Variants in CEP72 observed in about 807,000 individuals in gnomAD.
CEP72 encodes centrosomal protein 72.
Under a neutral mutation model 65.7 loss-of-function variants are expected in CEP72, and 78 were observed. That is an observed-to-expected ratio of 1.19 (90% CI 0.99 to 1.43). The LOEUF (loss-of-function observed/expected upper bound fraction) is 1.43. Among genes scored for constraint, CEP72 ranks in the 40% most tolerant of loss-of-function variants. The probability of loss-of-function intolerance (pLI) is 0.00; values close to 1 mark genes in which losing one functional copy is unlikely to be tolerated. For synonymous variants in CEP72, 358 were observed against 351.7 expected, an observed-to-expected ratio of 1.02 and a Z score of -0.20; for missense variants, 914 against 832.9, an observed-to-expected ratio of 1.10 and a Z score of -1.20.
At chr5:672,735 G>A in the CEP72 span, among the ~76,000 whole-genome samples, 5 of 152,234 alleles carry the variant, frequency 3.3e-5, no homozygotes, top group African/African-American at 7.2e-5. Context: ...CCCACCGCCC[G>A]TGGTCCGGTC....
At chr5:648,393 A>G (rs60269309) in intron 11 of CEP72, among the ~76,000 whole-genome samples, 155 of 120,998 alleles carry the variant, frequency 1.3e-3, no homozygotes, top group African/African-American at 5.4e-3. Flanking sequence ...GGACTGTGAG[A>G]TGGGACTGTG....
At chr5:670,677 C>A (rs537955679), downstream of CEP72, among the ~76,000 whole-genome samples, 4 of 152,270 alleles carry the variant, frequency 2.6e-5, no homozygotes, top group South Asian at 8.3e-4. Context: ...CCAGGAGGGT[C>A]CAGTGGTCCC....
At chr5:650,434 G>A (rs1224161441) in intron 11 of CEP72, among the ~76,000 whole-genome samples, 1 of 55,010 alleles carries the variant, frequency 1.8e-5, no homozygotes. Context: ...ACTGTGAGGC[G>A]TGGACTGAGG....
chr5:646,300 T>TA (rs1342163403), intron 10 of CEP72, among the ~76,000 whole-genome samples: 1 of 152,238 alleles, frequency 6.6e-6, no homozygotes, highest in Non-Finnish European at 1.5e-5. Flanking sequence ...AATTATGACT[T>TA]ACGTTGTTTT....
chr5:668,581 C>T (rs1478217075), downstream of CEP72, among the ~76,000 whole-genome samples: 3 of 152,264 alleles, frequency 2.0e-5, no homozygotes, highest in Non-Finnish European at 4.4e-5. Context: ...GCTGAGCAGG[C>T]CGCGGGGTGG....
intron 11 of CEP72, among the ~76,000 whole-genome samples, chr5:649,102 G>C (rs1192871841): frequency 6.8e-6 from 1 of 147,836 alleles, no homozygotes. Flanking sequence ...TGACTGTGAG[G>C]TGTGGACTGT....
chr5:616,512 C>A (rs1579919606), intron 1 of CEP72, among the ~76,000 whole-genome samples: 1 of 152,010 alleles, frequency 6.6e-6, no homozygotes, highest in Non-Finnish European at 1.5e-5. Flanking sequence ...TTTTCTGGTT[C>A]TTGGTCATTT....
In CEP72 at chr5:643,415, C is replaced by T. The variant is rs569271292; in HGVS notation, c.1540-884C>T. On this transcript the variant is annotated intron_variant, in intron 9 of 11. Coordinates refer to ENST00000264935, the MANE Select transcript of CEP72 (RefSeq NM_018140.4). ...AAATGAAGAACGGGCCAAGATAAGC[C>T]TGAGGGGAATGGTCTCAGACCCAGC... 10 of 985,440 alleles carry T rather than the reference C, an allele frequency of 1.0e-5. No homozygotes were observed. The African/African-American group carries it at 1.7e-4, about 17-fold the overall frequency. 61.0% of individuals were successfully genotyped at this position (985,440 alleles called of 1,614,324 possible). A position where few individuals can be genotyped will look rare whatever the true frequency, so the allele number is the denominator to read the frequency against.
chr5:666,276 T>C (rs1035417298), intron 4 of CEP72, among the ~76,000 whole-genome samples: 2 of 152,030 alleles, frequency 1.3e-5, no homozygotes, highest in Non-Finnish European at 2.9e-5. Context: ...AAATCCAAAC[T>C]GTCTTGGAAG....
In CEP72 at chr5:647,823, A is replaced by G. The variant is rs780931230; in HGVS notation, c.1685A>G (p.Lys562Arg). ...LQIAGLQTSV[K>R]RLCGEIVELK... Reference sequence around the variant, plus strand: ...CTTTCAGGACTTCAAACAAGTGTGAAGAGGCTGTGTGGCGAGATTGTGGAA... The same window carrying G: ...CTTTCAGGACTTCAAACAAGTGTGAGGAGGCTGTGTGGCGAGATTGTGGAA... The change falls in exon 11 of 12, where the codon AAG becomes AGG. Residue 562 changes from lysine to arginine, a missense_variant. Lys to Arg is a conservative substitution (Grantham distance 26). Transcript: ENST00000264935. 1 of 1,612,398 alleles carries G rather than the reference A, an allele frequency of 6.2e-7. No homozygotes were observed. Among genetic ancestry groups the G allele is most frequent in the Non-Finnish European group, 8.5e-7 (1 of 1,179,738 alleles).
chr5:638,724 C>G (rs778297265), intron 7 of CEP72, among the ~76,000 whole-genome samples: 37 of 152,176 alleles, frequency 2.4e-4, no homozygotes, highest in Non-Finnish European at 4.7e-4. Flanking sequence ...ACCAGCCTGA[C>G]TGTGGGTGCA....
intron 1 of CEP72, chr5:662,888 G>A (rs1396499166): frequency 7.0e-6 from 1 of 143,790 alleles, no homozygotes; most frequent in Non-Finnish European, 1.5e-5. Context: ...TGATTCCGAT[G>A]ACTGCTCGTC....
At chr5:649,949 CGTGACTGTGAGGCGTGGACTGTGAGGT>C (rs1738852459) in intron 11 of CEP72, among the ~76,000 whole-genome samples, 1 of 32,132 alleles carries the variant, frequency 3.1e-5, no homozygotes. Context: ...GACTGTGAGG[CGTGACTGTGAGGCGTGGACTGTGAGGT>C]GTGACTGTGA....
chr5:642,654 G>T (rs749855616), intron 9 of CEP72: 15 of 985,334 alleles, frequency 1.5e-5, no homozygotes, highest in Non-Finnish European at 1.8e-5. Flanking sequence ...CCTGCAGTTT[G>T]CAGGCAGCCC....
chr5:671,410 CCA>C (rs1234763432), downstream of CEP72, among the ~76,000 whole-genome samples: 6 of 152,250 alleles, frequency 3.9e-5, no homozygotes, highest in East Asian at 1.9e-4. Context: ...TCCATCCACC[CCA>C]GTCTCGGCCT....
At chr5:615,440 T>C (rs1055478752) in intron 1 of CEP72, among the ~76,000 whole-genome samples, 3 of 152,206 alleles carry the variant, frequency 2.0e-5, no homozygotes, top group African/African-American at 7.2e-5. Flanking sequence ...GCCTTGTTCC[T>C]CTTTTTTCCT....
Position 633,781 on chromosome 5 carries a change from C to G in CEP72, c.525C>G (p.Pro175=). Residue 175 remains proline, a synonymous_variant, in exon 5 of 12, where the codon CCC becomes CCG. Coordinates refer to ENST00000264935, the MANE Select transcript of CEP72 (RefSeq NM_018140.4). The part of the protein sequence containing the change: ...ASLKEGRPHH[P]RAKCTEALAK... Reference sequence around the variant, plus strand: ...CTTTTCCTTACAGACCACACCACCCCAGAGCCAAGTGCACCGAGGCCTTGG... The same window carrying G: ...CTTTTCCTTACAGACCACACCACCCGAGAGCCAAGTGCACCGAGGCCTTGG... 6.2e-7 allele frequency: 1 copy of G among 1,614,088 alleles called. No individual in the cohort carries two copies. Among genetic ancestry groups the G allele is most frequent in the Non-Finnish European group, 8.5e-7 (1 of 1,180,030 alleles).
At chr5:613,514 C>T (rs542644695) in intron 1 of CEP72, among the ~76,000 whole-genome samples, 17 of 152,296 alleles carry the variant, frequency 1.1e-4, no homozygotes, top group African/African-American at 2.4e-4. Flanking sequence ...TACAAGCACG[C>T]GCCACCATGC....
chr5:619,926 A>C, intron 2 of CEP72, 143 bp from the exon 3 acceptor site: 1 of 692,274 alleles, frequency 1.4e-6, no homozygotes, highest in Non-Finnish European at 2.4e-6. Flanking sequence ...AGAACGTTTC[A>C]TTTTTCTACT....
Sources: allele counts gnomAD v4.1 joint callset (sites outside exome capture counted in the v4.1 genomes callset), GRCh38; gene constraint gnomAD v4.1.1; transcripts MANE v1.5; gene names NCBI Gene and HGNC (gene_info 2026-07-23, HGNC 2026-07-21).